ZBED4: variants seen among roughly 807,000 people sequenced by gnomAD.
ZBED4 encodes zinc finger BED domain-containing protein 4.
Under a neutral mutation model 15.5 loss-of-function variants are expected in ZBED4, and 4 were observed. The observed-to-expected ratio is 0.26, with a 90% CI of 0.13 to 0.59. The LOEUF (loss-of-function observed/expected upper bound fraction) is 0.59. Ranked by LOEUF, ZBED4 falls within the 20% of genes least tolerant of loss-of-function variation. The probability of loss-of-function intolerance (pLI) is 0.90; values close to 1 mark genes in which losing one functional copy is unlikely to be tolerated. For missense variants in ZBED4, 1,323 were observed against 1,461.8 expected (o/e 0.91, Z 1.55); for synonymous variants, 692 against 608.5 (o/e 1.14, Z -2.02).
chr22:49,876,284 A>G (rs1199919218), intron 1 of ZBED4, among the ~76,000 whole-genome samples: 3 of 152,328 alleles, frequency 2.0e-5, no homozygotes, highest in Middle Eastern at 3.4e-3. Flanking sequence ...AATGCCCATT[A>G]GGTCAACTTG....
chr22:49,878,578 C>T (rs896795724), intron 1 of ZBED4, among the ~76,000 whole-genome samples: 1 of 152,134 alleles, frequency 6.6e-6, no homozygotes. Context: ...TTCAATCCTT[C>T]AGAGATCTAA....
Position 49,884,047 on chromosome 22 carries a change from C to T in ZBED4, c.385C>T (p.Arg129Ter). Residue 129 changes from arginine to a stop codon, truncating the protein, a stop_gained, in exon 2 of 2, where the codon CGA becomes TGA. Coordinates refer to ENST00000216268, the MANE Select transcript of ZBED4 (RefSeq NM_014838.3). LOFTEE classifies it low-confidence loss of function (END_TRUNC). ...PAWKHFFISP[R>*]DSTKAICMYC... is the part of the protein sequence containing the mutation. Reference sequence around the variant, plus strand: ...CTGGAAGCATTTTTTTATCTCTCCCCGAGACAGCACTAAAGCAATATGCAT... The same window carrying T: ...CTGGAAGCATTTTTTTATCTCTCCCTGAGACAGCACTAAAGCAATATGCAT... 2 of 1,604,182 alleles carry T rather than the reference C, an allele frequency of 1.2e-6. No individual in the cohort carries two copies. Among genetic ancestry groups the T allele is most frequent in the Non-Finnish European group, 1.7e-6 (2 of 1,176,346 alleles).
Position 49,886,269 on chromosome 22 carries a change from A to G in ZBED4, c.2607A>G (p.Lys869=), listed in dbSNP as rs1321860950. 5 of 1,341,090 alleles carry G rather than the reference A, an allele frequency of 3.7e-6. No individual in the cohort carries two copies. The highest frequency in any genetic ancestry group is 5.2e-6 in the Non-Finnish European group (5 of 960,404). The allele number at this position is 1,341,090 out of a possible 1,614,324, so 83.1% of individuals were successfully genotyped here. The change falls in exon 2 of 2, where the codon AAA becomes AAG. Residue 869 remains lysine (K), a synonymous_variant. Coordinates refer to ENST00000216268, the MANE Select transcript of ZBED4 (RefSeq NM_014838.3). This position sits in a 1 kb window ranked among gnomAD's most constrained non-coding sequence, Gnocchi z 7.7. ...ACCGGTCGCCCAAGGCGAAGGAGAA[A>G]CTGGCCGAGCTGCAGAGGGAGTACG... is the stretch of plus-strand genomic sequence containing the variant. ...RVHRSPKAKE[K]LAELQREYAL...
rs751674846 is a variant in ZBED4 at position 49,870,627 on chromosome 22, C to T, written c.-329-12707C>T. On this transcript the variant is annotated intron_variant, in intron 1 of 1. Transcript: ENST00000216268. ...TGTTGGCCACTTTTATGTCTCCTTT[C>T]GAGAAGTATCTGTTCATGTCCTTTG... is the stretch of plus-strand genomic sequence containing the variant. Among the ~76,000 whole-genome samples, 6 of 151,968 alleles carry T rather than the reference C, an allele frequency of 3.9e-5. No individual in the cohort carries two copies. The East Asian group carries it at 5.8e-4, about 15-fold the overall frequency.
intron 1 of ZBED4, among the ~76,000 whole-genome samples, chr22:49,879,161 C>CAA (rs374622920): frequency 1.4e-5 from 2 of 144,174 alleles, no homozygotes; most frequent in African/African-American, 5.1e-5. Context: ...AAACAAAAAA[C>CAA]AAAAAAAAAC....
Position 49,883,958 on chromosome 22 carries a change from T to C in ZBED4, c.296T>C (p.Met99Thr). 1 of 1,613,656 alleles carries C rather than the reference T, an allele frequency of 6.2e-7. No individual in the cohort carries two copies. Among genetic ancestry groups the C allele is most frequent in the Non-Finnish European group, 8.5e-7 (1 of 1,179,872 alleles). ...QYSSTLYDVA[M>T]EAVTQSLLSS... The stretch of plus-strand genomic sequence containing the variant: ...AGCAGCACCCTATACGACGTGGCCA[T>C]GGAGGCCGTGACCCAGAGCCTCCTT... Residue 99 changes from methionine to threonine, a missense_variant, in exon 2 of 2, where the codon ATG (methionine) becomes ACG (threonine). By Grantham distance (81) the Met-to-Thr change is moderately conservative. Transcript: ENST00000216268.
rs1281026618 is a variant in ZBED4, at chr22:49,884,438, C to T, written c.776C>T (p.Pro259Leu). Residue 259 changes from proline to leucine, a missense_variant, in exon 2 of 2, where the codon CCT (proline) becomes CTT (leucine). Transcript: ENST00000216268. Reference sequence around the variant, plus strand: ...CTGGTGGGGTCGTCTCCCCACCTCCCTGCTCTCCATTACGATGAACCTGCA... The same window carrying T: ...CTGGTGGGGTCGTCTCCCCACCTCCTTGCTCTCCATTACGATGAACCTGCA... ...EALVGSSPHL[P>L]ALHYDEPAEN... 22 of 1,614,086 alleles carry T rather than the reference C, an allele frequency of 1.4e-5. No individual in the cohort carries two copies. Among genetic ancestry groups the T allele is most frequent in the Non-Finnish European group, 1.7e-5 (20 of 1,180,026 alleles).
intron 1 of ZBED4, among the ~76,000 whole-genome samples, chr22:49,863,593 C>G (rs111735295): frequency 0.045 from 6,722 of 151,012 alleles, 332 homozygotes; most frequent in African/African-American, 0.13. Context: ...CGCCACCGCA[C>G]TCCAGCCTGG....
At chr22:49,854,653 C>A (rs759613443) in intron 1 of ZBED4, among the ~76,000 whole-genome samples, 1 of 152,332 alleles carries the variant, frequency 6.6e-6, no homozygotes, top group South Asian at 2.1e-4. Context: ...TGGCCCACAC[C>A]GCCTTCGTTG....
intron 1 of ZBED4, among the ~76,000 whole-genome samples, chr22:49,871,501 A>G (rs557010463): frequency 6.6e-6 from 1 of 152,114 alleles, no homozygotes; most frequent in East Asian, 2.0e-4. Context: ...AAAAAAAGTT[A>G]CATTTTCAGT....
rs1214030411 is a variant in ZBED4 at position 49,886,575 on chromosome 22, C to T, written c.2913C>T (p.Leu971=). ...TCCTCAACAGGAAGGTGGAGATGCT[C>T]TTCGAGGAGACGATGGGCATCGACA... ...VHILNRKVEM[L]FEETMGIDTM... is the part of the protein sequence containing the mutation. Residue 971 remains leucine (L), a synonymous_variant, in exon 2 of 2, where the codon CTC becomes CTT. Transcript: ENST00000216268. The surrounding 1 kb of genome is among the most constrained non-coding windows in gnomAD (Gnocchi z 7.7). 1.6e-5 allele frequency: 25 copies of T among 1,555,484 alleles called. No homozygotes were observed. Among genetic ancestry groups the T allele is most frequent in the Non-Finnish European group, 2.1e-5 (24 of 1,149,214 alleles).
chr22:49,884,972 G>A lies in ZBED4; in HGVS notation c.1310G>A (p.Ser437Asn). 6.2e-7 allele frequency: 1 copy of A among 1,613,422 alleles called. No individual in the cohort carries two copies. Among genetic ancestry groups the A allele is most frequent in the Non-Finnish European group, 8.5e-7 (1 of 1,179,606 alleles). ...GAGAAGCAGCAGGCTGATGGGCTGA[G>A]TCCTAGATTGTTTGAATCTGGCGCC... ...SPEKQQADGLSPRLFESGAIF... is the reference protein window; with the variant it reads ...SPEKQQADGLNPRLFESGAIF... The change falls in exon 2 of 2, where the codon AGT becomes AAT. Residue 437 changes from serine to asparagine, a missense_variant. Around this residue, in one of 6 missense-constraint regions of ZBED4, gnomAD observed 429 missense variants for 397.9 expected, o/e 1.08. Coordinates refer to ENST00000216268, the MANE Select transcript of ZBED4 (RefSeq NM_014838.3).
chr22:49,873,148 T>C (rs944123026), intron 1 of ZBED4, among the ~76,000 whole-genome samples: 1 of 152,220 alleles, frequency 6.6e-6, no homozygotes, highest in Non-Finnish European at 1.5e-5. Flanking sequence ...TCAAGAACTT[T>C]CCTTTGCATT....
chr22:49,880,430 C>T (rs997714034), intron 1 of ZBED4, among the ~76,000 whole-genome samples: 3 of 152,260 alleles, frequency 2.0e-5, no homozygotes, highest in African/African-American at 7.2e-5. Context: ...GACCACCGGG[C>T]TCTGCCAAGT....
At chr22:49,881,677 T>C (rs1980565) in intron 1 of ZBED4, among the ~76,000 whole-genome samples, 138,820 of 152,224 alleles carry the variant, frequency 0.91, 63,423 homozygotes, top group African/African-American at 0.97. Context: ...TCACCATACT[T>C]GGCATTTTTT....
chr22:49,857,630 C>T (rs1001005276), intron 1 of ZBED4, among the ~76,000 whole-genome samples: 5 of 152,224 alleles, frequency 3.3e-5, no homozygotes, highest in African/African-American at 1.2e-4. Flanking sequence ...CTCACTCTGT[C>T]ACTCAGGCTG....
At chr22:49,857,337 G>T (rs1439351339) in intron 1 of ZBED4, among the ~76,000 whole-genome samples, 2 of 152,218 alleles carry the variant, frequency 1.3e-5, no homozygotes, top group East Asian at 1.9e-4. Context: ...CGAGGGTGCT[G>T]GTGTTAAATA....
In ZBED4 at chr22:49,853,920, T is replaced by C. The variant is rs1279650836; in HGVS notation, c.-399T>C. 7.1e-6 allele frequency: 1 copy of C among 140,550 alleles called. No individual in the cohort carries two copies. The highest frequency in any genetic ancestry group is 6.9e-5 in the Admixed American group (1 of 14,392). 8.7% of individuals were successfully genotyped at this position (140,550 alleles called of 1,614,324 possible). On this transcript the variant is annotated 5_prime_UTR_variant, in exon 1 of 2. The change abolishes an upstream ATG in the 5' untranslated region. Coordinates refer to ENST00000216268, the MANE Select transcript of ZBED4 (RefSeq NM_014838.3). ...GCGGGGGCAGACAAAGCCGCGGTAATGAATGGAGCGTCCGCCCGCGCCGCC... is the reference window on the plus strand; with the variant it reads ...GCGGGGGCAGACAAAGCCGCGGTAACGAATGGAGCGTCCGCCCGCGCCGCC...
intron 1 of ZBED4, among the ~76,000 whole-genome samples, chr22:49,878,301 C>CAAAAA (rs71196388): frequency 1.8e-4 from 19 of 107,064 alleles, no homozygotes; most frequent in Admixed American, 5.1e-4. Flanking sequence ...GACACTGTCT[C>CAAAAA]AAAAAAAAAA....
Sources: allele counts gnomAD v4.1 joint callset (sites outside exome capture counted in the v4.1 genomes callset), GRCh38; gene constraint gnomAD v4.1.1; regional missense constraint gnomAD v4.1.1; non-coding constraint Gnocchi (gnomAD v3.1); transcripts MANE v1.5; gene names NCBI Gene and HGNC (gene_info 2026-07-23, HGNC 2026-07-21).